Variants in GABRA2 observed in about 807,000 individuals in gnomAD.
GABRA2 encodes the protein gamma-aminobutyric acid type A receptor subunit alpha2.
A neutral mutation model predicts 48.7 loss-of-function variants in GABRA2; 16 were observed. That is an observed-to-expected ratio of 0.33 (90% confidence interval 0.22 to 0.50). GABRA2 has a LOEUF of 0.50. GABRA2 is among the 20% of genes least tolerant of loss of function. GABRA2 has a pLI of 0.98. For missense variants in GABRA2, 275 were observed against 535.6 expected, an observed-to-expected ratio of 0.51 and a Z score of 4.80; for synonymous variants, 185 against 184.5, an observed-to-expected ratio of 1.00 and a Z score of -0.02.
chr4:46,325,403 T>C (rs1458596136), intron 4 of GABRA2, among the ~76,000 whole-genome samples: 2 of 152,022 alleles, frequency 1.3e-5, no homozygotes, highest in Non-Finnish European at 2.9e-5. Context: ...TGTCCTTTCA[T>C]GTCCTTTTTC....
chr4:46,353,126 A>G (rs1459131543), intron 3 of GABRA2, among the ~76,000 whole-genome samples: 2 of 152,122 alleles, frequency 1.3e-5, no homozygotes, highest in Non-Finnish European at 2.9e-5. Context: ...CAAAATAACA[A>G]TAATCATATT....
At chr4:46,346,279 T>G (rs1396926288) in intron 3 of GABRA2, among the ~76,000 whole-genome samples, 1 of 151,858 alleles carries the variant, frequency 6.6e-6, no homozygotes, top group Non-Finnish European at 1.5e-5. Context: ...CGCTTGCCTC[T>G]TACCTAGTAT....
At chr4:46,388,550 A>G (rs1378306824) in intron 2 of GABRA2, 86 bp downstream of exon 2, 2 of 1,494,366 alleles carry the variant, frequency 1.3e-6, no homozygotes, top group Non-Finnish European at 1.8e-6. Flanking sequence ...TCTTTAAAAC[A>G]CCCTTGATTT....
intron 8 of GABRA2, among the ~76,000 whole-genome samples, chr4:46,266,298 T>C (rs1718209176): frequency 6.8e-6 from 1 of 147,926 alleles, no homozygotes; most frequent in Non-Finnish European, 1.5e-5. Flanking sequence ...CAAATTATTA[T>C]ATTTAATTTT....
chr4:46,337,479 T>C (rs1732455157), intron 3 of GABRA2, among the ~76,000 whole-genome samples: 3 of 151,986 alleles, frequency 2.0e-5, no homozygotes. Context: ...ACGAATGTTG[T>C]CTTTATATAC....
At chr4:46,327,420 C>A (rs778395994) in intron 4 of GABRA2, among the ~76,000 whole-genome samples, 1 of 151,806 alleles carries the variant, frequency 6.6e-6, no homozygotes, top group Non-Finnish European at 1.5e-5. Context: ...ATGAATGTTC[C>A]CAGTGTCTAT....
At chr4:46,313,116 CAAATAAAT>C (rs199996713) in intron 4 of GABRA2, among the ~76,000 whole-genome samples, 3,353 of 134,430 alleles carry the variant, frequency 0.025, 135 homozygotes, top group African/African-American at 0.085. Context: ...TTCCCAGTAG[CAAATAAAT>C]AAATAAATAA....
At chr4:46,342,303 C>A (rs1426800803) in intron 3 of GABRA2, among the ~76,000 whole-genome samples, 1 of 151,978 alleles carries the variant, frequency 6.6e-6, no homozygotes, top group Non-Finnish European at 1.5e-5. Context: ...GCTCTTGTTG[C>A]GTTTATGCAG....
At chr4:46,296,769 G>A (rs548029530) in intron 8 of GABRA2, among the ~76,000 whole-genome samples, 1 of 152,110 alleles carries the variant, frequency 6.6e-6, no homozygotes, top group Admixed American at 6.5e-5. Context: ...CACTTGGCCA[G>A]TTGCAGACAC....
intron 8 of GABRA2, among the ~76,000 whole-genome samples, chr4:46,265,851 T>C (rs1458827762): frequency 6.6e-6 from 1 of 152,044 alleles, no homozygotes; most frequent in Middle Eastern, 3.2e-3. Flanking sequence ...GCTTTTGTAT[T>C]TTCCATAACA....
chr4:46,281,767 G>C (rs1191932926), intron 8 of GABRA2, among the ~76,000 whole-genome samples: 1 of 152,142 alleles, frequency 6.6e-6, no homozygotes, highest in Non-Finnish European at 1.5e-5. Flanking sequence ...ATCTTAAAAG[G>C]AGAGCAAAGA....
At chr4:46,387,128 T>G (rs1717570391) in intron 2 of GABRA2, among the ~76,000 whole-genome samples, 1 of 152,038 alleles carries the variant, frequency 6.6e-6, no homozygotes, top group African/African-American at 2.4e-5. Context: ...GAATCAGAGA[T>G]TTAAATTGCT....
intron 9 of GABRA2, among the ~76,000 whole-genome samples, chr4:46,259,949 G>A (rs575863789): frequency 1.7e-4 from 26 of 151,872 alleles, no homozygotes; most frequent in African/African-American, 5.3e-4. Flanking sequence ...TTCTTAGTCT[G>A]AAGGTAGGTT....
intron 9 of GABRA2, chr4:46,256,203 G>C (rs1458795322): frequency 3.0e-6 from 2 of 665,620 alleles, no homozygotes; most frequent in Non-Finnish European, 5.5e-6. Flanking sequence ...ACAGAAGATT[G>C]TTTGAAGGTT....
At chr4:46,369,256 T>C (rs138428126) in intron 3 of GABRA2, among the ~76,000 whole-genome samples, 94 of 152,262 alleles carry the variant, frequency 6.2e-4, no homozygotes, top group Non-Finnish European at 7.2e-4. Flanking sequence ...CCGAATTTCA[T>C]TGAGCTACTG....
At chr4:46,320,961 T>C (rs1729348006) in intron 4 of GABRA2, among the ~76,000 whole-genome samples, 1 of 151,940 alleles carries the variant, frequency 6.6e-6, no homozygotes. Context: ...CAATACCCAA[T>C]ATACAAAAAC....
chr4:46,291,524 G>A (rs1267545801), intron 8 of GABRA2, among the ~76,000 whole-genome samples: 3 of 152,084 alleles, frequency 2.0e-5, no homozygotes, highest in Admixed American at 2.0e-4. Flanking sequence ...AATCTAGGTA[G>A]GCAAGATCTA....
intron 3 of GABRA2, among the ~76,000 whole-genome samples, chr4:46,362,704 C>T (rs1283543075): frequency 6.6e-6 from 1 of 152,014 alleles, no homozygotes; most frequent in African/African-American, 2.4e-5. Flanking sequence ...TGTCTCTAAA[C>T]TTTTAATGAC....
intron 3 of GABRA2, among the ~76,000 whole-genome samples, chr4:46,338,117 A>G (rs976494673): frequency 6.6e-6 from 1 of 151,852 alleles, no homozygotes; most frequent in Non-Finnish European, 1.5e-5. Flanking sequence ...TTTAAAACTG[A>G]TTTTCTCAAG....
Sources: allele counts gnomAD v4.1 joint callset (sites outside exome capture counted in the v4.1 genomes callset), GRCh38; gene constraint gnomAD v4.1.1; transcripts MANE v1.5; gene names NCBI Gene and HGNC (gene_info 2026-07-23, HGNC 2026-07-21).